GRIP1: variants seen among roughly 807,000 people sequenced by gnomAD.
GRIP1 encodes glutamate receptor-interacting protein 1.
Under a neutral mutation model 129.9 loss-of-function variants are expected in GRIP1, and 45 were observed. That is an observed-to-expected ratio of 0.35 (90% confidence interval 0.27 to 0.44). GRIP1 has a LOEUF of 0.44. GRIP1 is among the 20% of genes least tolerant of loss of function. The probability of loss-of-function intolerance (pLI) is 1.00; values close to 1 mark genes in which losing one functional copy is unlikely to be tolerated. For missense variants in GRIP1, 1,196 were observed against 1,396.8 expected (o/e 0.86, Z 2.29); for synonymous variants, 530 against 520.8 (o/e 1.02, Z -0.24).
At chr12:66,494,524 G>A (rs184452623) in intron 7 of GRIP1, among the ~76,000 whole-genome samples, 2 of 152,276 alleles carry the variant, frequency 1.3e-5, no homozygotes, top group Admixed American at 1.3e-4. Flanking sequence ...TACATGGTCT[G>A]TGTGAATTTG....
intron 17 of GRIP1, among the ~76,000 whole-genome samples, chr12:66,393,908 A>G (rs1049074200): frequency 6.6e-6 from 1 of 152,158 alleles, no homozygotes; most frequent in Non-Finnish European, 1.5e-5. Flanking sequence ...CCTGAACTTT[A>G]GTTTCCTCCT....
chr12:66,375,554 T>A (rs1412540515), intron 22 of GRIP1, among the ~76,000 whole-genome samples: 1 of 152,226 alleles, frequency 6.6e-6, no homozygotes. Context: ...TAAATATAAC[T>A]AATTTATGAA....
At chr12:66,355,234 G>T (rs1042097137) in intron 23 of GRIP1, among the ~76,000 whole-genome samples, 6 of 152,122 alleles carry the variant, frequency 3.9e-5, no homozygotes, top group African/African-American at 1.4e-4. Flanking sequence ...GTGTGTGTGT[G>T]TGCACACACA....
intron 1 of GRIP1, among the ~76,000 whole-genome samples, chr12:66,655,760 C>T (rs568772595): frequency 2.6e-5 from 4 of 152,138 alleles, no homozygotes; most frequent in South Asian, 4.2e-4. Context: ...CAGGTATCCG[C>T]CACTGCGCCC....
Position 66,675,645 on chromosome 12 carries a change from CT to C in GRIP1, c.55+3204del, listed in dbSNP as rs1361290261. 3.9e-5 allele frequency among the ~76,000 whole-genome samples: 6 copies of C among 152,122 alleles called. No individual in the cohort carries two copies. The East Asian group carries it at 1.2e-3, about 29-fold the overall frequency. On this transcript the variant is annotated intron_variant, in intron 1 of 24. Coordinates refer to ENST00000359742, the MANE Select transcript of GRIP1 (RefSeq NM_001366722.1). The stretch of plus-strand genomic sequence containing the variant: ...CTAGATTTACCCACTCCAGAAAACC[CT>C]TTTGTCAGATGTCTCTGGAAACCTC...
intron 1 of GRIP1, among the ~76,000 whole-genome samples, chr12:66,738,295 C>T (rs1055920318): frequency 6.6e-6 from 1 of 151,832 alleles, no homozygotes; most frequent in Non-Finnish European, 1.5e-5. Context: ...TCTAGGCTCA[C>T]TGCAAGCTCC....
chr12:66,864,522 C>T (rs1204167613), intron 1 of GRIP1, among the ~76,000 whole-genome samples: 1 of 151,426 alleles, frequency 6.6e-6, no homozygotes, highest in Non-Finnish European at 1.5e-5. Flanking sequence ...TCGAGACCAG[C>T]CTGGGCAACA....
At chr12:66,680,852 T>C (rs2034557316), upstream of GRIP1, among the ~76,000 whole-genome samples, 2 of 152,264 alleles carry the variant, frequency 1.3e-5, no homozygotes, top group African/African-American at 4.8e-5. Flanking sequence ...CAAATACAAC[T>C]CAAAACCATA....
intron 2 of GRIP1, chr12:66,571,194 G>A (rs530107592): frequency 2.1e-4 from 32 of 152,220 alleles, no homozygotes; most frequent in South Asian, 1.0e-3. Flanking sequence ...AAAACCAATT[G>A]TAGCTCAAGT....
At chr12:66,447,971 A>T (rs1000643298) in intron 11 of GRIP1, among the ~76,000 whole-genome samples, 1 of 152,148 alleles carries the variant, frequency 6.6e-6, no homozygotes, top group Admixed American at 6.5e-5. Flanking sequence ...TTACTTTTTC[A>T]GCCCCAGCCA....
intron 11 of GRIP1, among the ~76,000 whole-genome samples, chr12:66,446,011 G>A (rs1023733523): frequency 1.4e-4 from 22 of 152,012 alleles, no homozygotes; most frequent in African/African-American, 4.8e-4. Flanking sequence ...GGCCCCTGGC[G>A]TGGTGAGGCT....
chr12:66,814,852 G>A (rs1378336716), intron 1 of GRIP1, among the ~76,000 whole-genome samples: 5 of 141,368 alleles, frequency 3.5e-5, no homozygotes, highest in African/African-American at 1.3e-4. Flanking sequence ...CTTCTTCACA[G>A]GGCAGCAGGA....
Position 66,895,597 on chromosome 12 carries a change from A to G in GRIP1, c.58+173453T>C, listed in dbSNP as rs2134832. ...TTCTACCTGAGCCCTGTACTGAGGT[A>G]TGGGTAATGTTCTCTACTGGGCACC... On this transcript the variant is annotated intron_variant, in intron 1 of 1. Coordinates refer to the GRIP1 transcript ENST00000643019. Among the ~76,000 whole-genome samples the G allele has an allele frequency of 4.7e-4, 72 of 152,236 alleles. 2 individuals carry two copies. The East Asian group carries it at 0.012, about 26-fold the overall frequency.
intron 1 of GRIP1, among the ~76,000 whole-genome samples, chr12:66,744,503 G>A (rs1204483388): frequency 6.6e-6 from 1 of 152,026 alleles, no homozygotes; most frequent in Non-Finnish European, 1.5e-5. Flanking sequence ...TGTCTTCCTG[G>A]GTTTGGGTCC....
intron 13 of GRIP1, among the ~76,000 whole-genome samples, chr12:66,439,529 A>G (rs1052127216): frequency 1.3e-5 from 2 of 152,050 alleles, no homozygotes; most frequent in Non-Finnish European, 2.9e-5. Flanking sequence ...AGTGTAGTGT[A>G]GTGTAGTGCT....
At chr12:66,619,870 AT>A (rs2139957575) in intron 1 of GRIP1, among the ~76,000 whole-genome samples, 1 of 152,288 alleles carries the variant, frequency 6.6e-6, no homozygotes, top group Admixed American at 6.5e-5. Flanking sequence ...AGTTACTATT[AT>A]ATTGTTTTTA....
At chr12:66,787,453 T>A (rs1235546204) in intron 1 of GRIP1, among the ~76,000 whole-genome samples, 1 of 152,192 alleles carries the variant, frequency 6.6e-6, no homozygotes, top group Non-Finnish European at 1.5e-5. Flanking sequence ...GAGTTGAATG[T>A]CTGTGTCTTC....
At chr12:67,009,769 AAGGAC>A (rs1306279107) in intron 1 of GRIP1, among the ~76,000 whole-genome samples, 6 of 152,158 alleles carry the variant, frequency 3.9e-5, no homozygotes, top group Non-Finnish European at 7.4e-5. Context: ...AATATAGTAA[AAGGAC>A]AGATACATGA....
At chr12:66,692,117 T>G (rs2035003599) in intron 1 of GRIP1, among the ~76,000 whole-genome samples, 1 of 152,208 alleles carries the variant, frequency 6.6e-6, no homozygotes, top group Non-Finnish European at 1.5e-5. Context: ...AGGGTTTGGA[T>G]TTCAGCATTG....
Sources: gnomAD v4.1 joint callset for allele counts (sites outside exome capture counted in the v4.1 genomes callset) on GRCh38, gnomAD v4.1.1 for gene constraint, MANE v1.5 for transcripts, NCBI Gene and HGNC (gene_info 2026-07-23, HGNC 2026-07-21) for gene names.